The following RCAN2 variants were observed in gnomAD, a reference collection of about 807,000 sequenced individuals.
RCAN2 encodes calcipressin-2.
In RCAN2, 9 loss-of-function variants were observed where a neutral mutation model predicts 23.6. The ratio of observed to expected loss-of-function variants is 0.38; its 90% confidence interval spans 0.23 to 0.67. The LOEUF is 0.67. Among genes scored for constraint, RCAN2 ranks in the 30% least tolerant of loss-of-function variants. The pLI is 0.51. For missense variants in RCAN2, 273 were observed against 302.3 expected (o/e 0.90, Z 0.72); for synonymous variants, 109 against 115.7 (o/e 0.94, Z 0.37).
intron 2 of RCAN2, among the ~76,000 whole-genome samples, chr6:46,417,679 A>G (rs866055348): frequency 1.3e-5 from 2 of 152,334 alleles, no homozygotes; most frequent in Middle Eastern, 3.4e-3. Context: ...AATTCCTTAT[A>G]TATAATCTTA....
At chr6:46,487,091 C>G (rs967322989) in intron 1 of RCAN2, among the ~76,000 whole-genome samples, 1 of 152,216 alleles carries the variant, frequency 6.6e-6, no homozygotes, top group African/African-American at 2.4e-5. Flanking sequence ...TGCACAGACA[C>G]ACACAGAACA....
In RCAN2 at chr6:46,293,939, C is replaced by CT. The variant is rs755500103; in HGVS notation, c.226-45044dup. 2.2e-4 allele frequency among the ~76,000 whole-genome samples: 33 copies of CT among 151,668 alleles called. No homozygotes were observed. In the South Asian group the frequency reaches 4.4e-3, roughly 20 times the overall value. The stretch of plus-strand genomic sequence containing the variant: ...AAGCATGAGGCATAAAGAACAAATA[C>CT]TTTTTTTTTGAGAATTGGAAAGACT... On this transcript the variant is annotated intron_variant, in intron 2 of 4. Transcript: ENST00000371374.
chr6:46,326,616 T>A (rs1335341325), intron 2 of RCAN2, among the ~76,000 whole-genome samples: 1 of 152,138 alleles, frequency 6.6e-6, no homozygotes, highest in Admixed American at 6.5e-5. Context: ...AAAGGAAAAA[T>A]TTCCAATTGT....
At chr6:46,491,460 T>TGAGCCGGCGGCTCTCGCAG (rs1045499655), upstream of RCAN2, 6 of 152,320 alleles carry the variant, frequency 3.9e-5, no homozygotes, top group Non-Finnish European at 5.9e-5. Context: ...AGGGAGGGGC[T>TGAGCCGGCGGCTCTCGCAG]GAGCCGGCGG....
chr6:46,471,797 G>A (rs2150441809), intron 1 of RCAN2, among the ~76,000 whole-genome samples: 1 of 152,238 alleles, frequency 6.6e-6, no homozygotes, highest in African/African-American at 2.4e-5. Flanking sequence ...ACCATTGCAA[G>A]GGGGTGTGTT....
chr6:46,336,655 G>A (rs1054834784), intron 2 of RCAN2, among the ~76,000 whole-genome samples: 1 of 152,192 alleles, frequency 6.6e-6, no homozygotes, highest in African/African-American at 2.4e-5. Context: ...TTGAGTGCCA[G>A]GGTTAAGAGT....
chr6:46,335,990 T>C (rs1218242485), intron 2 of RCAN2, among the ~76,000 whole-genome samples: 8 of 152,172 alleles, frequency 5.3e-5, no homozygotes, highest in Admixed American at 5.2e-4. Context: ...AGCTGGACAG[T>C]GGGTGAGCTA....
At chr6:46,469,229 A>T (rs1357633003) in intron 1 of RCAN2, among the ~76,000 whole-genome samples, 2 of 152,158 alleles carry the variant, frequency 1.3e-5, no homozygotes, top group Admixed American at 6.5e-5. Context: ...TTCTCTCACT[A>T]TTGTCAGAGA....
chr6:46,277,244 T>C (rs993958315), intron 2 of RCAN2, among the ~76,000 whole-genome samples: 7 of 152,232 alleles, frequency 4.6e-5, no homozygotes, highest in African/African-American at 1.4e-4. Context: ...GATTTCCACA[T>C]GGCTATTTAC....
At chr6:46,449,036 T>C (rs1472991960) in intron 2 of RCAN2, among the ~76,000 whole-genome samples, 3 of 151,848 alleles carry the variant, frequency 2.0e-5, no homozygotes, top group Admixed American at 1.3e-4. Flanking sequence ...AGAAGTTAAA[T>C]TGTCCTTATC....
chr6:46,233,174 A>G (rs1765958936), intron 4 of RCAN2, among the ~76,000 whole-genome samples: 1 of 152,192 alleles, frequency 6.6e-6, no homozygotes, highest in Non-Finnish European at 1.5e-5. Flanking sequence ...ATTGTTGTTC[A>G]GGAGAGAACA....
chr6:46,405,716 G>A (rs906354508), intron 2 of RCAN2, among the ~76,000 whole-genome samples: 2 of 152,204 alleles, frequency 1.3e-5, no homozygotes, highest in Non-Finnish European at 2.9e-5. Flanking sequence ...AGTAGATCTC[G>A]CACCGGGGCT....
intron 2 of RCAN2, among the ~76,000 whole-genome samples, chr6:46,391,223 T>TA (rs1376436994): frequency 6.6e-6 from 1 of 152,058 alleles, no homozygotes; most frequent in African/African-American, 2.4e-5. Flanking sequence ...TATGCAGCCA[T>TA]AAAAAAGGAT....
At chr6:46,463,617 T>A (rs1231661498) in intron 1 of RCAN2, among the ~76,000 whole-genome samples, 1 of 152,314 alleles carries the variant, frequency 6.6e-6, no homozygotes, top group East Asian at 1.9e-4. Context: ...AAAAGAGACA[T>A]CTGTTTATCT....
intron 2 of RCAN2, among the ~76,000 whole-genome samples, chr6:46,378,405 C>A (rs1352780798): frequency 6.6e-6 from 1 of 152,132 alleles, no homozygotes; most frequent in African/African-American, 2.4e-5. Flanking sequence ...ATGGTAGGTG[C>A]TATTAGTCTC....
At chr6:46,247,154 A>G (rs1464356444) in intron 3 of RCAN2, among the ~76,000 whole-genome samples, 1 of 152,036 alleles carries the variant, frequency 6.6e-6, no homozygotes, top group Non-Finnish European at 1.5e-5. Flanking sequence ...TTACTAAAAC[A>G]CAGATTGCTG....
intron 1 of RCAN2, among the ~76,000 whole-genome samples, chr6:46,468,492 G>A (rs771147871): frequency 5.3e-5 from 8 of 152,136 alleles, no homozygotes; most frequent in African/African-American, 1.4e-4. Context: ...CCACAGCCGC[G>A]CCAACGCCAG....
At chr6:46,340,180 C>T (rs1460109286) in intron 2 of RCAN2, among the ~76,000 whole-genome samples, 1 of 152,156 alleles carries the variant, frequency 6.6e-6, no homozygotes, top group Admixed American at 6.5e-5. Context: ...GCTCCACTTG[C>T]TACTACTACT....
chr6:46,226,661 C>A (rs1390152770), intron 4 of RCAN2, among the ~76,000 whole-genome samples: 1 of 152,156 alleles, frequency 6.6e-6, no homozygotes, highest in African/African-American at 2.4e-5. Flanking sequence ...GCTGAAGTTG[C>A]TTATCAGCTT....
Sources: allele counts gnomAD v4.1 joint callset (sites outside exome capture counted in the v4.1 genomes callset), GRCh38; gene constraint gnomAD v4.1.1; transcripts MANE v1.5; gene names NCBI Gene and HGNC (gene_info 2026-07-23, HGNC 2026-07-21).